TANGO6: variants seen among roughly 807,000 people sequenced by gnomAD.
TANGO6 encodes transport and golgi organization 6 homolog.
TANGO6 carries 90 observed loss-of-function variants against 114.2 expected under a neutral mutation model. The observed-to-expected ratio is 0.79, with a 90% confidence interval of 0.66 to 0.94. The LOEUF is 0.94. Among genes scored for constraint, TANGO6 ranks in the 40% least tolerant of loss-of-function variants. The pLI is 0.00. For missense variants in TANGO6, 1,274 were observed against 1,315.3 expected (o/e 0.97, Z 0.49); for synonymous variants, 477 against 509.8 (o/e 0.94, Z 0.87).
At chr16:68,941,439 T>C (rs1300152184) in intron 14 of TANGO6, among the ~76,000 whole-genome samples, 1 of 151,928 alleles carries the variant, frequency 6.6e-6, no homozygotes, top group Non-Finnish European at 1.5e-5. Flanking sequence ...TTGTATTGAG[T>C]CTGTTGATTT....
At chr16:69,072,480 G>T (rs1161346092) in intron 17 of TANGO6, among the ~76,000 whole-genome samples, 1 of 152,120 alleles carries the variant, frequency 6.6e-6, no homozygotes, top group Non-Finnish European at 1.5e-5. Context: ...GCCCCCGACA[G>T]AGGCTCCTGT....
rs930332349 is a variant in TANGO6 at position 69,085,011 on chromosome 16, G to C, written c.*1350G>C. 1 of 152,334 alleles carries C rather than the reference G, an allele frequency of 6.6e-6. No homozygotes were observed. Among genetic ancestry groups the C allele is most frequent in the Admixed American group, 6.5e-5 (1 of 15,270 alleles). 9.4% of individuals were successfully genotyped at this position (152,334 alleles called of 1,614,324 possible). ...TGAGCAGAGAGTTAGAACAAATCTA[G>C]CTAGGTGTGTTTAAGGAATATTTCC... On this transcript the variant is annotated 3_prime_UTR_variant, in exon 18 of 18. Transcript: ENST00000261778.
rs904650582 is a variant in TANGO6, at chr16:68,868,750, G to A, written c.994+1530G>A. On this transcript the variant is annotated intron_variant, in intron 4 of 17. Transcript: ENST00000261778. ...CTGACCTCGTGATCCACCCACCTCG[G>A]CCTCCCAAAGTGCTGGGATTACAGG... is the stretch of plus-strand genomic sequence containing the variant. Among the ~76,000 whole-genome samples, 17 of 152,026 alleles carry A rather than the reference G, an allele frequency of 1.1e-4. 1 individual carries two copies. The East Asian group carries it at 1.4e-3, about 12-fold the overall frequency.
intron 16 of TANGO6, chr16:69,033,933 GC>G (rs1439152969): frequency 1.9e-5 from 3 of 159,602 alleles, no homozygotes; most frequent in Non-Finnish European, 1.4e-5. Flanking sequence ...GATATCATTA[GC>G]TTTTTTCAAG....
At chr16:68,909,174 C>T in intron 10 of TANGO6, 37 bp from the exon 11 acceptor site, 1 of 1,427,740 alleles carries the variant, frequency 7.0e-7, no homozygotes, top group East Asian at 2.6e-5. Flanking sequence ...GTTGTACTGG[C>T]TTTATCTTCA....
chr16:68,993,660 A>G (rs1414650723), intron 15 of TANGO6, among the ~76,000 whole-genome samples: 1 of 152,240 alleles, frequency 6.6e-6, no homozygotes, highest in African/African-American at 2.4e-5. Context: ...GTTTGTCAAT[A>G]TTACGAGGCT....
At chr16:68,945,851 A>G (rs994642457) in intron 14 of TANGO6, among the ~76,000 whole-genome samples, 23 of 151,952 alleles carry the variant, frequency 1.5e-4, no homozygotes, top group Admixed American at 1.3e-3. Flanking sequence ...ACACCCAGTT[A>G]ATTTTTGTAT....
intron 15 of TANGO6, among the ~76,000 whole-genome samples, chr16:68,984,722 A>T (rs558094699): frequency 2.6e-5 from 4 of 151,984 alleles, no homozygotes; most frequent in African/African-American, 9.7e-5. Flanking sequence ...GGGTCTCACT[A>T]TGTTGCCCAG....
intron 15 of TANGO6, among the ~76,000 whole-genome samples, chr16:69,001,048 A>G (rs1322975551): frequency 4.6e-5 from 7 of 152,176 alleles, no homozygotes; most frequent in Non-Finnish European, 1.0e-4. Flanking sequence ...AAATTACTTT[A>G]TTTTTTGAAG....
chr16:69,041,396 A>G (rs1472927434), intron 17 of TANGO6, among the ~76,000 whole-genome samples: 1 of 151,470 alleles, frequency 6.6e-6, no homozygotes. Flanking sequence ...CAGTGAGCCG[A>G]GATCTTGCCA....
At chr16:68,987,278 A>C (rs1280717819) in intron 15 of TANGO6, among the ~76,000 whole-genome samples, 1 of 152,148 alleles carries the variant, frequency 6.6e-6, no homozygotes, top group East Asian at 1.9e-4. Flanking sequence ...TAGAACCTTT[A>C]TTTCTTTTGG....
chr16:68,886,666 G>A (rs1283864594), intron 7 of TANGO6, among the ~76,000 whole-genome samples: 5 of 150,556 alleles, frequency 3.3e-5, no homozygotes, highest in African/African-American at 4.9e-5. Flanking sequence ...CTGGCACCAC[G>A]CCCAGTTAAT....
In TANGO6 at chr16:69,062,784, A is replaced by AT. The variant is rs758600713; in HGVS notation, c.3109-20698dup. On this transcript the variant is annotated intron_variant, in intron 17 of 17. Coordinates refer to ENST00000261778, the MANE Select transcript of TANGO6 (RefSeq NM_024562.2). Reference sequence around the variant, plus strand: ...CACCGCACCCGGCCCATAAAAAGAAATTTAAAAAAAAAAAAAAAAAAAAAG... The same window carrying AT: ...CACCGCACCCGGCCCATAAAAAGAAATTTTAAAAAAAAAAAAAAAAAAAAAG... Among the ~76,000 whole-genome samples the AT allele has an allele frequency of 1.7e-4, 20 of 114,590 alleles. No homozygotes were observed. In the East Asian group the frequency reaches 2.5e-3, roughly 14 times the overall value. The allele number at this position is 114,590 out of a possible 152,430, so 75.2% of individuals were successfully genotyped here.
At chr16:68,994,795 C>G (rs766497194) in intron 15 of TANGO6, among the ~76,000 whole-genome samples, 1 of 151,688 alleles carries the variant, frequency 6.6e-6, no homozygotes, top group Non-Finnish European at 1.5e-5. Context: ...ATGTTGCCCA[C>G]GCTGATCTCA....
chr16:68,907,099 A>ATT (rs546359676), intron 9 of TANGO6, among the ~76,000 whole-genome samples: 8,304 of 114,534 alleles, frequency 0.073, 355 homozygotes, highest in African/African-American at 0.096. Flanking sequence ...CCAGACCTTG[A>ATT]TTTTTTTTTT....
chr16:69,013,654 C>CTT lies in TANGO6; in HGVS notation c.2843-9157_2843-9156dup, dbSNP rs1221505040. Among the ~76,000 whole-genome samples, 30 of 128,108 alleles carry CTT rather than the reference C, an allele frequency of 2.3e-4. 1 individual carries two copies. The highest frequency in any genetic ancestry group is 3.3e-4 in the African/African-American group (11 of 33,702). 84.0% of individuals were successfully genotyped at this position (128,108 alleles called of 152,430 possible). A position where few individuals can be genotyped will look rare whatever the true frequency, so the allele number is the denominator to read the frequency against. On this transcript the variant is annotated intron_variant, in intron 15 of 17. Transcript: ENST00000261778. Reference sequence around the variant, plus strand: ...AAAAAGGCGGGGTTGCCTTAAGTTCCTTTTTTTTTTTTTTTTTTCCGAGAC... The same window carrying CTT: ...AAAAAGGCGGGGTTGCCTTAAGTTCCTTTTTTTTTTTTTTTTTTTTCCGAGAC...
intron 13 of TANGO6, 51 bp from the exon 14 acceptor site, chr16:68,930,187 A>T: frequency 6.7e-7 from 1 of 1,497,452 alleles, no homozygotes; most frequent in Non-Finnish European, 9.1e-7. Flanking sequence ...AGCCTCTTAA[A>T]TCTTCCTTGT....
intron 16 of TANGO6, among the ~76,000 whole-genome samples, chr16:69,039,896 AATCCC>A (rs1959747654): frequency 6.6e-6 from 1 of 152,228 alleles, no homozygotes; most frequent in Non-Finnish European, 1.5e-5. Flanking sequence ...TCCTTAGCTA[AATCCC>A]CATGATCCTC....
chr16:69,054,118 AG>A (rs1468729452), intron 17 of TANGO6, among the ~76,000 whole-genome samples: 4 of 152,118 alleles, frequency 2.6e-5, no homozygotes, highest in Non-Finnish European at 5.9e-5. Flanking sequence ...GCCTGGCTGG[AG>A]GGTTCCGGAA....
Sources: gnomAD v4.1 joint callset for allele counts (sites outside exome capture counted in the v4.1 genomes callset) on GRCh38, gnomAD v4.1.1 for gene constraint, MANE v1.5 for transcripts, NCBI Gene and HGNC (gene_info 2026-07-23, HGNC 2026-07-21) for gene names.